ARFGAP3: variants seen among roughly 807,000 people sequenced by gnomAD.
ARFGAP3 encodes ARF GTPase activating protein 3, also known as ADP-ribosylation factor GTPase-activating protein 3.
A neutral mutation model predicts 75.0 loss-of-function variants in ARFGAP3; 72 were observed. The ratio of observed to expected loss-of-function variants is 0.96; its 90% CI spans 0.79 to 1.17. The LOEUF (loss-of-function observed/expected upper bound fraction) is 1.17. ARFGAP3 is among the 50% of genes most tolerant of loss of function. ARFGAP3 has a pLI of 0.00. For missense variants in ARFGAP3, 620 were observed against 626.6 expected (o/e 0.99, Z 0.11); for synonymous variants, 221 against 217.9 (o/e 1.01, Z -0.13).
At chr22:42,827,245 T>C in intron 6 of ARFGAP3, 1 of 246,744 alleles carries the variant, frequency 4.1e-6, no homozygotes, top group Non-Finnish European at 6.4e-6. Context: ...CTTCAACTAA[T>C]ACGATTCAAA....
chr22:42,838,655 C>CTATAA (rs1926645045), intron 3 of ARFGAP3, among the ~76,000 whole-genome samples: 1 of 149,572 alleles, frequency 6.7e-6, no homozygotes, highest in African/African-American at 2.5e-5. Context: ...ATATAAGAAA[C>CTATAA]GCCTAAAGGA....
chr22:42,850,128 G>A (rs1461319725), intron 1 of ARFGAP3, among the ~76,000 whole-genome samples: 1 of 152,166 alleles, frequency 6.6e-6, no homozygotes, highest in African/African-American at 2.4e-5. Context: ...GTGCTAACTA[G>A]CAGAGTCACG....
rs368846610 is a variant in ARFGAP3, at chr22:42,817,097, C to T, written c.1064+45G>A. ...TAAACTAATAAATCCATACTAGTCA[C>T]TGCTTTTCAAAATGACACTTCAACG... On this transcript the variant is annotated intron_variant, in intron 11 of 15. Coordinates refer to ENST00000263245, the MANE Select transcript of ARFGAP3 (RefSeq NM_014570.5). The T allele has an allele frequency of 3.3e-5, 45 of 1,343,672 alleles. 1 individual carries two copies. The South Asian group carries it at 4.9e-4, about 15-fold the overall frequency. The allele number at this position is 1,343,672 out of a possible 1,614,324, so 83.2% of individuals were successfully genotyped here.
chr22:42,799,268 C>T, intron 14 of ARFGAP3, 108 bp from the exon 15 acceptor site: 1 of 1,533,210 alleles, frequency 6.5e-7, no homozygotes, highest in Non-Finnish European at 8.8e-7. Flanking sequence ...CTCTCCCCTC[C>T]TGCTGCCTCA....
chr22:42,848,713 G>A (rs1027846034), intron 1 of ARFGAP3, among the ~76,000 whole-genome samples: 1 of 152,162 alleles, frequency 6.6e-6, no homozygotes, highest in Non-Finnish European at 1.5e-5. Flanking sequence ...ATGGCAGGCT[G>A]TTGAGCATAT....
chr22:42,798,660 T>A (rs1315579930), intron 15 of ARFGAP3, among the ~76,000 whole-genome samples: 1 of 152,264 alleles, frequency 6.6e-6, no homozygotes, highest in Non-Finnish European at 1.5e-5. Context: ...TATATCTTTT[T>A]AATCTACGTA....
chr22:42,841,136 C>A, intron 2 of ARFGAP3, 120 bp from the exon 3 acceptor site: 1 of 1,462,916 alleles, frequency 6.8e-7, no homozygotes. Context: ...AAGTTTGTGT[C>A]AACAAGGACC....
Position 42,835,400 on chromosome 22 carries a change from A to G in ARFGAP3, c.355T>C (p.Ser119Pro). 3.7e-6 allele frequency: 6 copies of G among 1,614,124 alleles called. No homozygotes were observed. Among genetic ancestry groups the G allele is most frequent in the Non-Finnish European group, 3.4e-6 (4 of 1,180,004 alleles). ...TTCCGTGTTGCTTGAGAGGCGAGCG[A>G]TTTGATTTTCTCCCTATAGAGCTGA... ...AAQLYREKIK[S>P]LASQATRKHG... The change falls in exon 4 of 16, where the codon TCG becomes CCG. Residue 119 changes from serine to proline, a missense_variant. Ser to Pro is a moderately conservative substitution (Grantham distance 74). Coordinates refer to ENST00000263245, the MANE Select transcript of ARFGAP3 (RefSeq NM_014570.5).
In ARFGAP3 at chr22:42,838,275, C is replaced by CATATATAT. The variant is rs55855980; in HGVS notation, c.261+2661_261+2668dup. On this transcript the variant is annotated intron_variant, in intron 3 of 15. Coordinates refer to ENST00000263245, the MANE Select transcript of ARFGAP3 (RefSeq NM_014570.5). The stretch of plus-strand genomic sequence containing the variant: ...TAATTGATATATATATACACACACA[C>CATATATAT]ATATATATATATATATTTTTTTTTT... Among the ~76,000 whole-genome samples, 768 of 137,840 alleles carry CATATATAT rather than the reference C, an allele frequency of 5.6e-3. 8 individuals are homozygous for CATATATAT. The highest frequency in any genetic ancestry group is 0.016 in the Middle Eastern group (4 of 246). 90.4% of individuals were successfully genotyped at this position (137,840 alleles called of 152,430 possible). A position where few individuals can be genotyped will look rare whatever the true frequency, so the allele number is the denominator to read the frequency against.
chr22:42,803,900 CTTTTTTTTTTT>C lies in ARFGAP3; in HGVS notation c.1411+3162_1411+3172del, dbSNP rs11289963. Among the ~76,000 whole-genome samples the C allele has an allele frequency of 4.0e-3, 474 of 119,670 alleles. 3 individuals are homozygous for C. Among genetic ancestry groups the C allele is most frequent in the African/African-American group, 0.017 (459 of 27,512 alleles). 78.5% of individuals were successfully genotyped at this position (119,670 alleles called of 152,430 possible). A position where few individuals can be genotyped will look rare whatever the true frequency, so the allele number is the denominator to read the frequency against. The stretch of plus-strand genomic sequence containing the variant: ...TTCCTTCCTTCCCTCCCTCCTTCCT[CTTTTTTTTTTT>C]TTTTTTTTTTGATACAAGGCCTGGC... On this transcript the variant is annotated intron_variant, in intron 14 of 15. Coordinates refer to ENST00000263245, the MANE Select transcript of ARFGAP3 (RefSeq NM_014570.5).
intron 2 of ARFGAP3, 50 bp from the exon 3 acceptor site, chr22:42,841,066 C>A (rs55653419): frequency 0.027 from 43,020 of 1,585,604 alleles, 645 homozygotes; most frequent in African/African-American, 0.035. Flanking sequence ...TCCCCAGGAG[C>A]AAAATCAGTG....
At chr22:42,825,041 A>C (rs1483628134) in intron 7 of ARFGAP3, among the ~76,000 whole-genome samples, 1 of 152,248 alleles carries the variant, frequency 6.6e-6, no homozygotes, top group Non-Finnish European at 1.5e-5. Context: ...CATAAAACTT[A>C]TTTGAAAATA....
chr22:42,799,043 A>C lies in ARFGAP3; in HGVS notation c.1529T>G (p.Ile510Ser). 1 of 1,614,164 alleles carries C rather than the reference A, an allele frequency of 6.2e-7. No individual in the cohort carries two copies. The highest frequency in any genetic ancestry group is 8.5e-7 in the Non-Finnish European group (1 of 1,180,004). ...SVFANGVVTS[I>S]QDRYGS The stretch of plus-strand genomic sequence containing the variant: ...GCACTGCCCCATTCCACTGACCTGA[A>C]TTGAAGTCACGACTCCATTAGCAAA... The change falls in exon 15 of 16, where the codon ATT (isoleucine) becomes AGT (serine). Residue 510 changes from isoleucine (I) to serine (S), a missense_variant. Ile to Ser is a moderately radical substitution (Grantham distance 142, BLOSUM62 -2). Transcript: ENST00000263245.
intron 11 of ARFGAP3, 98 bp from the exon 12 acceptor site, chr22:42,811,042 G>T: frequency 6.6e-7 from 1 of 1,512,596 alleles, no homozygotes. Context: ...CCTCCTTGAA[G>T]TTAATGGCAG....
chr22:42,832,034 C>T (rs1186471035), intron 5 of ARFGAP3, among the ~76,000 whole-genome samples: 1 of 152,086 alleles, frequency 6.6e-6, no homozygotes, highest in Admixed American at 6.6e-5. Context: ...CCTCCCACCT[C>T]GGCCTCCCAA....
chr22:42,853,056 G>A (rs1319637526), intron 1 of ARFGAP3, among the ~76,000 whole-genome samples: 3 of 152,170 alleles, frequency 2.0e-5, no homozygotes, highest in African/African-American at 4.8e-5. Flanking sequence ...GAGCCACCGC[G>A]CCCGGCCTAT....
chr22:42,850,958 C>G (rs141258966), intron 1 of ARFGAP3, among the ~76,000 whole-genome samples: 1 of 152,350 alleles, frequency 6.6e-6, no homozygotes, highest in Non-Finnish European at 1.5e-5. Context: ...GGAAGACAGA[C>G]GCGCAAATTC....
chr22:42,822,982 G>C (rs1481394399), intron 8 of ARFGAP3, among the ~76,000 whole-genome samples: 2 of 151,842 alleles, frequency 1.3e-5, no homozygotes, highest in East Asian at 1.9e-4. Flanking sequence ...GCTACTTTTT[G>C]TATTTTTTGA....
intron 1 of ARFGAP3, among the ~76,000 whole-genome samples, chr22:42,852,978 G>C (rs1244935394): frequency 6.6e-6 from 1 of 152,106 alleles, no homozygotes; most frequent in African/African-American, 2.4e-5. Context: ...TGGCCAGGCT[G>C]GTCTTGAACT....
Sources: gnomAD v4.1 joint callset for allele counts (sites outside exome capture counted in the v4.1 genomes callset) on GRCh38, gnomAD v4.1.1 for gene constraint, MANE v1.5 for transcripts, NCBI Gene and HGNC (gene_info 2026-07-23, HGNC 2026-07-21) for gene names.